The following SLC25A29 variants were observed in gnomAD, a reference collection of about 807,000 sequenced individuals.
SLC25A29 encodes solute carrier family 25 member 29, also known as mitochondrial basic amino acids transporter.
A neutral mutation model predicts 10.0 loss-of-function variants in SLC25A29; 13 were observed. The ratio of observed to expected loss-of-function variants is 1.30; its 90% confidence interval spans 0.85 to 2.07. SLC25A29 has a LOEUF of 2.07. SLC25A29 is among the 30% of genes most tolerant of loss of function. The pLI is 0.00. For synonymous variants in SLC25A29, 244 were observed against 221.1 expected (o/e 1.10, Z -0.92); for missense variants, 475 against 447.6 (o/e 1.06, Z -0.55).
intron 3 of SLC25A29, 29 bp from the exon 4 acceptor site, chr14:100,293,061 G>A (rs540311353): frequency 1.8e-5 from 27 of 1,500,426 alleles, no homozygotes; most frequent in South Asian, 1.2e-4. Context: ...CATCAGAGCC[G>A]GCAACGCGCA....
In SLC25A29 at chr14:100,292,659, A is replaced by G. The variant is rs1891815436; in HGVS notation, c.536T>C (p.Leu179Pro). Residue 179 changes from leucine (L) to proline (P), a missense_variant, in exon 4 of 4, where the codon CTG (leucine) becomes CCG (proline). Leu to Pro is a moderately conservative substitution (Grantham distance 98). Transcript: ENST00000359232. The part of the protein sequence containing the change: ...FLTYDALTRA[L>P]GCEPGDRLLV... Reference sequence around the variant, plus strand: ...CAGGCGGTCGCCCGGCTCGCAGCCCAGCGCCCGCGTGAGAGCGTCATAGGT... The same window carrying G: ...CAGGCGGTCGCCCGGCTCGCAGCCCGGCGCCCGCGTGAGAGCGTCATAGGT... The G allele has an allele frequency of 1.9e-6, 3 of 1,598,350 alleles. No homozygotes were observed. The highest frequency in any genetic ancestry group is 2.6e-6 in the Non-Finnish European group (3 of 1,174,394).
intron 3 of SLC25A29, 74 bp from the exon 4 acceptor site, chr14:100,293,106 G>A: frequency 6.8e-7 from 1 of 1,463,288 alleles, no homozygotes; most frequent in Non-Finnish European, 9.0e-7. Context: ...GGGGTCGGGG[G>A]ATGGCAGCCC....
intron 1 of SLC25A29, 97 bp from the exon 2 acceptor site, chr14:100,298,982 G>A: frequency 6.5e-7 from 1 of 1,545,324 alleles, no homozygotes; most frequent in Non-Finnish European, 8.8e-7. Context: ...ACTGGCAGGA[G>A]CTGCTGCCGG....
At chr14:100,296,096 C>A (rs1266901487) in intron 2 of SLC25A29, 1 of 1,131,024 alleles carries the variant, frequency 8.8e-7, no homozygotes, top group East Asian at 5.9e-5. Context: ...TCCTAGGGTA[C>A]AGCTGCAATT....
chr14:100,293,109 G>A (rs1891881625), intron 3 of SLC25A29, 77 bp from the exon 4 acceptor site: 4 of 1,461,178 alleles, frequency 2.7e-6, no homozygotes, highest in Non-Finnish European at 3.6e-6. Context: ...GTCGGGGGAT[G>A]GCAGCCCCAG....
intron 2 of SLC25A29, among the ~76,000 whole-genome samples, chr14:100,296,925 G>A (rs1347479505): frequency 1.3e-5 from 2 of 152,066 alleles, no homozygotes; most frequent in African/African-American, 4.8e-5. Flanking sequence ...ATATGTGCTG[G>A]ACCTCAACTA....
intron 1 of SLC25A29, among the ~76,000 whole-genome samples, chr14:100,302,206 C>A (rs376289711): frequency 2.0e-5 from 3 of 152,032 alleles, no homozygotes; most frequent in African/African-American, 4.8e-5. Context: ...CCACCACACC[C>A]GGCTAATTTT....
At chr14:100,300,250 G>A (rs1228931916) in intron 1 of SLC25A29, among the ~76,000 whole-genome samples, 1 of 152,142 alleles carries the variant, frequency 6.6e-6, no homozygotes, top group African/African-American at 2.4e-5. Context: ...CAGCGACCCA[G>A]AGAGCAAGAC....
the SLC25A29 span, chr14:100,279,542 G>C: frequency 1.3e-5 from 2 of 152,270 alleles, no homozygotes; most frequent in Non-Finnish European, 2.9e-5. Flanking sequence ...GACCCCAGCT[G>C]TTTTCTGGGT....
intron 1 of SLC25A29, among the ~76,000 whole-genome samples, chr14:100,301,152 G>A (rs1029793450): frequency 6.6e-5 from 10 of 152,078 alleles, no homozygotes; most frequent in African/African-American, 2.4e-4. Flanking sequence ...GCCCACTTTG[G>A]CCTCCCAAAG....
chr14:100,293,114 C>T (rs1043896547), intron 3 of SLC25A29, 82 bp from the exon 4 acceptor site: 8 of 1,455,272 alleles, frequency 5.5e-6, no homozygotes, highest in Non-Finnish European at 7.2e-6. Flanking sequence ...GGGATGGCAG[C>T]CCCAGCCCAC....
At chr14:100,281,027 T>TCCAGC in the SLC25A29 span, 1 of 114,588 alleles carries the variant, frequency 8.7e-6, no homozygotes, top group South Asian at 3.2e-4. Flanking sequence ...ACCACTGCAC[T>TCCAGC]CCAGCCTGGG....
the SLC25A29 span, chr14:100,279,000 G>A: frequency 6.6e-6 from 1 of 152,224 alleles, no homozygotes; most frequent in Admixed American, 6.5e-5. Context: ...TAGCAATGTG[G>A]CAATTGAGTG....
intron 1 of SLC25A29, among the ~76,000 whole-genome samples, chr14:100,303,989 A>AG (rs1892739208): frequency 6.6e-6 from 1 of 152,032 alleles, no homozygotes; most frequent in South Asian, 2.1e-4. Context: ...AGTAGGGGAG[A>AG]GGGGGAGGCA....
intron 1 of SLC25A29, 23 bp from the exon 2 acceptor site, chr14:100,298,908 G>C: frequency 4.3e-6 from 7 of 1,614,116 alleles, no homozygotes; most frequent in Non-Finnish European, 5.9e-6. Context: ...AGGGGGACTT[G>C]TGACCCACAT....
chr14:100,303,346 G>C (rs1367669953), intron 1 of SLC25A29, among the ~76,000 whole-genome samples: 2 of 152,310 alleles, frequency 1.3e-5, no homozygotes, highest in East Asian at 3.9e-4. Flanking sequence ...TCCAGCTGTG[G>C]GGTCCCCTTC....
At chr14:100,296,791 A>G (rs1200888198) in intron 2 of SLC25A29, among the ~76,000 whole-genome samples, 1 of 151,992 alleles carries the variant, frequency 6.6e-6, no homozygotes, top group East Asian at 1.9e-4. Flanking sequence ...GTAGAGACAG[A>G]GTTTCACCGT....
chr14:100,286,714 G>A (rs1011354692), downstream of SLC25A29, among the ~76,000 whole-genome samples: 3 of 152,220 alleles, frequency 2.0e-5, no homozygotes, highest in Admixed American at 6.5e-5. Context: ...GCCTCTCCGT[G>A]GGTAGGTGGG....
chr14:100,293,505 T>G, intron 2 of SLC25A29, 128 bp from the exon 3 acceptor site: 1 of 742,360 alleles, frequency 1.3e-6, no homozygotes, highest in Non-Finnish European at 2.2e-6. Flanking sequence ...TCTAAGACTT[T>G]TGTAATTCCA....
Sources: gnomAD v4.1 joint callset for allele counts (sites outside exome capture counted in the v4.1 genomes callset) on GRCh38, gnomAD v4.1.1 for gene constraint, MANE v1.5 for transcripts, NCBI Gene and HGNC (gene_info 2026-07-23, HGNC 2026-07-21) for gene names.